RNF216: variants seen among roughly 807,000 people sequenced by gnomAD.
RNF216 encodes E3 ubiquitin-protein ligase RNF216.
RNF216 carries 72 observed loss-of-function variants against 110.8 expected under a neutral mutation model. The observed-to-expected ratio is 0.65, with a 90% CI of 0.54 to 0.79. The LOEUF (loss-of-function observed/expected upper bound fraction) is 0.79. Ranked by LOEUF, RNF216 falls within the 30% of genes least tolerant of loss-of-function variation. RNF216 has a pLI of 0.00. For synonymous variants in RNF216, 495 were observed against 407.5 expected, an observed-to-expected ratio of 1.21 and a Z score of -2.59; for missense variants, 1,342 against 1,141.2, an observed-to-expected ratio of 1.18 and a Z score of -2.54.
At chr7:5,748,924 CTG>C (rs1795187394) in intron 3 of RNF216, among the ~76,000 whole-genome samples, 1 of 152,112 alleles carries the variant, frequency 6.6e-6, no homozygotes, top group East Asian at 1.9e-4. Context: ...ATCTGCTTCT[CTG>C]TGTCTCCGTG....
At position 5,781,620 on chromosome 7, in the gene RNF216, T is replaced by C. The variant is rs2128690316; in HGVS notation, c.-149A>G. ...CCGCTTACTCCTCAGAAGCCGCAGCTGCGAGCTCCGTGGCAGCCGCTGCAC... is the reference window on the plus strand; with the variant it reads ...CCGCTTACTCCTCAGAAGCCGCAGCCGCGAGCTCCGTGGCAGCCGCTGCAC... On this transcript the variant is annotated 5_prime_UTR_variant, in exon 1 of 17. Transcript: ENST00000389902. The C allele has an allele frequency of 6.6e-6, 1 of 152,408 alleles. No homozygotes were observed. Among genetic ancestry groups the C allele is most frequent in the South Asian group, 2.1e-4 (1 of 4,834 alleles). 9.4% of individuals were successfully genotyped at this position (152,408 alleles called of 1,614,324 possible).
chr7:5,664,183 G>C (rs898900754), intron 13 of RNF216, among the ~76,000 whole-genome samples: 5 of 152,158 alleles, frequency 3.3e-5, no homozygotes, highest in African/African-American at 1.2e-4. Context: ...GGCAAAAAAA[G>C]CGTATCTATC....
In RNF216 at chr7:5,774,776, G is replaced by A. The variant is rs1375631306; in HGVS notation, c.-70+6765C>T. Among the ~76,000 whole-genome samples the A allele has an allele frequency of 8.8e-5, 13 of 147,342 alleles. No individual in the cohort carries two copies. The East Asian group carries it at 2.6e-3, about 29-fold the overall frequency. ...CCAAGTTACTTTTTTTTTTTTTATTGAGACGAAGTTTTGCTCTTGTTGCCC... is the reference window on the plus strand; with the variant it reads ...CCAAGTTACTTTTTTTTTTTTTATTAAGACGAAGTTTTGCTCTTGTTGCCC... On this transcript the variant is annotated intron_variant, in intron 1 of 16. Coordinates refer to ENST00000389902, the MANE Select transcript of RNF216 (RefSeq NM_207111.4).
rs1584551791 is a variant in RNF216 at position 5,741,795 on chromosome 7, T to C, written c.222A>G (p.Ser74=). The C allele has an allele frequency of 6.2e-7, 1 of 1,609,516 alleles. No individual in the cohort carries two copies. Among genetic ancestry groups the C allele is most frequent in the East Asian group, 2.2e-5 (1 of 44,856 alleles). Residue 74 remains serine, a synonymous_variant, in exon 4 of 17, where the codon TCA becomes TCG. Transcript: ENST00000389902. ...ILTETNKPQR[S]RPNLIKPAAQ... ...CAGCTGGTTTGATGAGATTGGGTCGTGATCTCTGAGGTTTATTTGTCTAAG... is the reference window on the plus strand; with the variant it reads ...CAGCTGGTTTGATGAGATTGGGTCGCGATCTCTGAGGTTTATTTGTCTAAG...
rs185499957 is a variant in RNF216, at chr7:5,642,829, A to G, written c.2160-1453T>C. 6.1e-4 allele frequency among the ~76,000 whole-genome samples: 93 copies of G among 152,340 alleles called. 1 individual carries two copies. In the East Asian group the frequency reaches 0.017, roughly 28 times the overall value. The stretch of plus-strand genomic sequence containing the variant: ...TTTCAATTTGAAAAGCTATGTGCCC[A>G]AACACAACTGCAATTTTCTACAGCA... On this transcript the variant is annotated intron_variant, in intron 14 of 16. Coordinates refer to ENST00000389902, the MANE Select transcript of RNF216 (RefSeq NM_207111.4).
At chr7:5,753,520 C>T (rs1310701450) in intron 2 of RNF216, among the ~76,000 whole-genome samples, 2 of 152,164 alleles carry the variant, frequency 1.3e-5, no homozygotes, top group Non-Finnish European at 2.9e-5. Flanking sequence ...TTTAACTTTC[C>T]AAGTTTCCTT....
intron 9 of RNF216, among the ~76,000 whole-genome samples, chr7:5,716,974 A>G (rs1008575286): frequency 2.0e-5 from 3 of 152,236 alleles, no homozygotes; most frequent in African/African-American, 7.2e-5. Context: ...ATGACTCAAA[A>G]TGTAGAATAA....
chr7:5,660,249 G>T (rs555029179), intron 13 of RNF216, among the ~76,000 whole-genome samples: 25 of 130,940 alleles, frequency 1.9e-4, no homozygotes, highest in Non-Finnish European at 2.6e-4. Context: ...CACAGAGCCC[G>T]GCCCTGTTTT....
In RNF216 at chr7:5,696,398, T is replaced by C. The variant is rs992542084; in HGVS notation, c.2061+15363A>G. Among the ~76,000 whole-genome samples, 1 of 152,172 alleles carries C rather than the reference T, an allele frequency of 6.6e-6. No individual in the cohort carries two copies. The highest frequency in any genetic ancestry group is 2.4e-5 in the African/African-American group (1 of 41,422). On this transcript the variant is annotated intron_variant, in intron 13 of 16. Coordinates refer to ENST00000389902, the MANE Select transcript of RNF216 (RefSeq NM_207111.4). The surrounding 1 kb of genome is among the most constrained non-coding windows in gnomAD (Gnocchi z 5.4). ...CCTTTTTAAATGACTGGGAAAAAAC[T>C]TGTGAAGGTTACATGGTTTCCTCCT...
rs1195202439 is a variant in RNF216, at chr7:5,750,872, T to C, written c.201+1974A>G. On this transcript the variant is annotated intron_variant, in intron 3 of 16. Coordinates refer to ENST00000389902, the MANE Select transcript of RNF216 (RefSeq NM_207111.4). Reference sequence around the variant, plus strand: ...TCCCCGCTTTAATTTAACCCAGTCATGGGATGCGAGATTACCTACTAACTC... The same window carrying C: ...TCCCCGCTTTAATTTAACCCAGTCACGGGATGCGAGATTACCTACTAACTC... Among the ~76,000 whole-genome samples the C allele has an allele frequency of 2.6e-5, 4 of 152,348 alleles. No homozygotes were observed. In the South Asian group the frequency reaches 6.2e-4, roughly 24 times the overall value.
rs536464462 is a variant in RNF216, at chr7:5,669,909, G to A, written c.2062-17399C>T. 3.0e-4 allele frequency among the ~76,000 whole-genome samples: 45 copies of A among 151,798 alleles called. 2 individuals carry two copies. The South Asian group carries it at 3.1e-3, about 11-fold the overall frequency. The stretch of plus-strand genomic sequence containing the variant: ...AAAAAAAAAGAAAGTAAGTGAGATT[G>A]TGGATGGTGCGTTTGGAAATCCTTT... On this transcript the variant is annotated intron_variant, in intron 13 of 16. Coordinates refer to ENST00000389902, the MANE Select transcript of RNF216 (RefSeq NM_207111.4).
chr7:5,648,433 T>G (rs917232627), intron 14 of RNF216, among the ~76,000 whole-genome samples: 2 of 150,146 alleles, frequency 1.3e-5, no homozygotes, highest in African/African-American at 4.9e-5. Flanking sequence ...TTATAGAAAA[T>G]TGAAGGGACA....
At chr7:5,707,458 G>A (rs1291226711) in intron 13 of RNF216, among the ~76,000 whole-genome samples, 1 of 152,098 alleles carries the variant, frequency 6.6e-6, no homozygotes, top group Admixed American at 6.5e-5. Context: ...GAACGCAACT[G>A]ATTTTTATGT....
intron 13 of RNF216, among the ~76,000 whole-genome samples, chr7:5,654,905 A>G (rs1039546867): frequency 2.6e-5 from 4 of 152,210 alleles, no homozygotes; most frequent in Non-Finnish European, 5.9e-5. Flanking sequence ...ACCCATTTTT[A>G]TAAGAAACAA....
At chr7:5,771,645 A>C (rs1467787870) in intron 1 of RNF216, among the ~76,000 whole-genome samples, 1 of 151,950 alleles carries the variant, frequency 6.6e-6, no homozygotes, top group Non-Finnish European at 1.5e-5. Flanking sequence ...AAAAAGCAAA[A>C]AAATTTAGCC....
intron 13 of RNF216, among the ~76,000 whole-genome samples, chr7:5,682,288 T>C (rs576847377): frequency 1.2e-4 from 18 of 152,342 alleles, no homozygotes; most frequent in African/African-American, 4.3e-4. Flanking sequence ...AGAGGCTACT[T>C]GACCAGGTTA....
intron 14 of RNF216, among the ~76,000 whole-genome samples, chr7:5,648,625 G>A (rs1788192579): frequency 2.0e-5 from 3 of 151,906 alleles, no homozygotes; most frequent in Admixed American, 1.3e-4. Context: ...CTACTCGGGA[G>A]GCTGAGGCAG....
At chr7:5,737,213 T>C (rs1165356287) in intron 5 of RNF216, among the ~76,000 whole-genome samples, 1 of 152,232 alleles carries the variant, frequency 6.6e-6, no homozygotes, top group Non-Finnish European at 1.5e-5. Flanking sequence ...TGTTGATCTA[T>C]TACCTTACCC....
chr7:5,668,474 C>A (rs1562807714), intron 13 of RNF216, among the ~76,000 whole-genome samples: 1 of 152,016 alleles, frequency 6.6e-6, no homozygotes, highest in Non-Finnish European at 1.5e-5. Context: ...CTGCCCGCCT[C>A]GGCCTCCCAA....
Sources: allele counts gnomAD v4.1 joint callset (sites outside exome capture counted in the v4.1 genomes callset), GRCh38; gene constraint gnomAD v4.1.1; non-coding constraint Gnocchi (gnomAD v3.1); transcripts MANE v1.5; gene names NCBI Gene and HGNC (gene_info 2026-07-23, HGNC 2026-07-21).